The following PACRGL variants were observed in gnomAD, a reference collection of about 807,000 sequenced individuals.
The protein encoded by PACRGL is PACRG-like protein.
In PACRGL, 38 loss-of-function variants were observed where a neutral mutation model predicts 34.5. That is an observed-to-expected ratio of 1.10 (90% CI 0.85 to 1.44). The LOEUF (loss-of-function observed/expected upper bound fraction) is 1.44. PACRGL is among the 40% of genes most tolerant of loss of function. The pLI, the probability that PACRGL is intolerant of heterozygous loss-of-function variation, is 0.00. For synonymous variants in PACRGL, 128 were observed against 100.1 expected (o/e 1.28, Z -1.66); for missense variants, 305 against 281.4 (o/e 1.08, Z -0.60).
intron 8 of PACRGL, among the ~76,000 whole-genome samples, chr4:20,741,992 A>G (rs1043258517): frequency 6.6e-6 from 1 of 152,220 alleles, no homozygotes; most frequent in Non-Finnish European, 1.5e-5. Context: ...ATTCCTGGAC[A>G]CATACACCCT....
At chr4:20,742,142 C>G (rs1464007456) in intron 8 of PACRGL, among the ~76,000 whole-genome samples, 1 of 152,118 alleles carries the variant, frequency 6.6e-6, no homozygotes, top group Non-Finnish European at 1.5e-5. Context: ...ACCAGAGGTA[C>G]AAAGAGGAGC....
At chr4:20,704,554 A>C in intron 2 of PACRGL, 21 bp downstream of exon 2, 1 of 1,613,750 alleles carries the variant, frequency 6.2e-7, no homozygotes, top group Non-Finnish European at 8.5e-7. Context: ...TTTGTTTTTA[A>C]GTGAAGAGGT....
At chr4:20,715,329 C>T (rs958417052) in intron 7 of PACRGL, among the ~76,000 whole-genome samples, 9 of 151,768 alleles carry the variant, frequency 5.9e-5, no homozygotes, top group African/African-American at 2.2e-4. Context: ...TGCTAAATGA[C>T]GAGTTAATGG....
chr4:20,748,092 G>A (rs984861590), intron 8 of PACRGL, among the ~76,000 whole-genome samples: 1 of 151,892 alleles, frequency 6.6e-6, no homozygotes, highest in Non-Finnish European at 1.5e-5. Context: ...ATGTTTCCAG[G>A]AATATAGCTC....
At chr4:20,715,797 G>C (rs1739666455) in intron 7 of PACRGL, among the ~76,000 whole-genome samples, 1 of 152,076 alleles carries the variant, frequency 6.6e-6, no homozygotes, top group African/African-American at 2.4e-5. Flanking sequence ...CCTTGGAGGT[G>C]GAGGTTGTAG....
intron 7 of PACRGL, among the ~76,000 whole-genome samples, chr4:20,722,201 C>T (rs558297539): frequency 1.5e-3 from 233 of 152,316 alleles, no homozygotes; most frequent in African/African-American, 4.7e-3. Context: ...GGGAGTGACT[C>T]GATATTCCAG....
chr4:20,712,039 A>G (rs1737500303), intron 5 of PACRGL, among the ~76,000 whole-genome samples: 1 of 152,134 alleles, frequency 6.6e-6, no homozygotes, highest in Non-Finnish European at 1.5e-5. Flanking sequence ...TTATAAACAT[A>G]GACTAATTTG....
intron 1 of PACRGL, among the ~76,000 whole-genome samples, chr4:20,703,233 G>A (rs1732998791): frequency 6.6e-6 from 1 of 152,126 alleles, no homozygotes; most frequent in Admixed American, 6.6e-5. Flanking sequence ...GTTGTCCTAA[G>A]GGAAGATCTT....
At chr4:20,739,023 A>T (rs1330262081) in intron 8 of PACRGL, among the ~76,000 whole-genome samples, 1 of 152,168 alleles carries the variant, frequency 6.6e-6, no homozygotes. Flanking sequence ...ACTGCAAGGC[A>T]ACAGTGAGGC....
chr4:20,714,718 A>C (rs1738980747), intron 7 of PACRGL, among the ~76,000 whole-genome samples: 1 of 152,128 alleles, frequency 6.6e-6, no homozygotes, highest in South Asian at 2.1e-4. Context: ...TCAAAACCAC[A>C]ATGAGATACC....
At chr4:20,759,888 T>G in the PACRGL span, among the ~76,000 whole-genome samples, 52,404 of 151,842 alleles carry the variant, frequency 0.35, 9,496 homozygotes, top group African/African-American at 0.45. Context: ...CTTGTTATCC[T>G]TGGGGCATTG....
In PACRGL at chr4:20,729,836, TTGAATATTCACAGAGTA is replaced by T. The variant is rs1269604066; in HGVS notation, c.*2500_*2516del. The T allele has an allele frequency of 5.3e-6, 2 of 377,778 alleles. No individual in the cohort carries two copies. Among genetic ancestry groups the T allele is most frequent in the Non-Finnish European group, 9.4e-6 (2 of 212,456 alleles). 23.4% of individuals were successfully genotyped at this position (377,778 alleles called of 1,614,324 possible). A position where few individuals can be genotyped will look rare whatever the true frequency, so the allele number is the denominator to read the frequency against. On this transcript the variant is annotated 3_prime_UTR_variant, in exon 9 of 9. Coordinates refer to ENST00000503585, the MANE Select transcript of PACRGL (RefSeq NM_001258345.3). ...AACTATATGCCAGATTCTATTACTT[TTGAATATTCACAGAGTA>T]TGAAATGAGTTAGACCATCCCCTGA...
Position 20,732,213 on chromosome 4 carries a change from A to C in PACRGL, c.*4872A>C. On this transcript the variant is annotated 3_prime_UTR_variant, in exon 9 of 9. Coordinates refer to ENST00000503585, the MANE Select transcript of PACRGL (RefSeq NM_001258345.3). ...GAACTGTTTCAGAGCAGGAACCAGC[A>C]GTTTTTTAGAGATAAAAATGATAGG... The C allele has an allele frequency of 3.2e-6, 2 of 622,196 alleles. No homozygotes were observed. Among genetic ancestry groups the C allele is most frequent in the Non-Finnish European group, 5.6e-6 (2 of 356,210 alleles). 38.5% of individuals were successfully genotyped at this position (622,196 alleles called of 1,614,324 possible).
At chr4:20,752,477 C>T (rs1326737290) in intron 8 of PACRGL, 2 of 152,216 alleles carry the variant, frequency 1.3e-5, no homozygotes, top group Non-Finnish European at 2.9e-5. Context: ...AGGCAAGCCA[C>T]TTTTATTTCA....
intron 3 of PACRGL, among the ~76,000 whole-genome samples, chr4:20,706,837 G>C (rs935677953): frequency 1.3e-5 from 2 of 152,230 alleles, no homozygotes; most frequent in Middle Eastern, 3.4e-3. Context: ...GCCTCCCAAA[G>C]TGCTGGGATT....
the PACRGL span, among the ~76,000 whole-genome samples, chr4:20,761,553 A>T: frequency 6.6e-6 from 1 of 152,156 alleles, no homozygotes; most frequent in Admixed American, 6.6e-5. Flanking sequence ...GAGAGAGTAA[A>T]TACCTGGCTC....
the PACRGL span, among the ~76,000 whole-genome samples, chr4:20,764,892 G>A: frequency 1.3e-5 from 2 of 152,084 alleles, no homozygotes; most frequent in African/African-American, 2.4e-5. Context: ...CAATCACAGC[G>A]GTTTATTGAG....
chr4:20,716,892 C>A (rs1475347307), intron 7 of PACRGL, among the ~76,000 whole-genome samples: 1 of 152,194 alleles, frequency 6.6e-6, no homozygotes, highest in Non-Finnish European at 1.5e-5. Flanking sequence ...AGTTCTAGAT[C>A]CTTGAGGAAT....
chr4:20,740,337 G>A (rs751999935), intron 8 of PACRGL, among the ~76,000 whole-genome samples: 55 of 152,150 alleles, frequency 3.6e-4, no homozygotes, highest in African/African-American at 8.7e-4. Context: ...CAGGGAGGTC[G>A]GGTTACCCAC....
Sources: gnomAD v4.1 joint callset for allele counts (sites outside exome capture counted in the v4.1 genomes callset) on GRCh38, gnomAD v4.1.1 for gene constraint, MANE v1.5 for transcripts, NCBI Gene and HGNC (gene_info 2026-07-23, HGNC 2026-07-21) for gene names.